ARHGAP6: variants seen among roughly 807,000 people sequenced by gnomAD.
ARHGAP6 encodes Rho GTPase activating protein 6, also known as rho GTPase-activating protein 6.
In ARHGAP6, 16 loss-of-function variants were observed where a neutral mutation model predicts 55.7. That is an observed-to-expected ratio of 0.29 (90% CI 0.19 to 0.44). The LOEUF is 0.44. ARHGAP6 is among the 20% of genes least tolerant of loss of function. The probability of loss-of-function intolerance (pLI) is 1.00; values close to 1 mark genes in which losing one functional copy is unlikely to be tolerated. For synonymous variants in ARHGAP6, 382 were observed against 360.9 expected (o/e 1.06, Z -0.66); for missense variants, 698 against 808.9 (o/e 0.86, Z 1.66).
At chrX:11,318,666 G>A (rs780456518) in intron 1 of ARHGAP6, 18 of 113,022 alleles carry the variant, frequency 1.6e-4, no homozygotes, top group Middle Eastern at 8.0e-4. Flanking sequence ...TGGCAAAACC[G>A]CAATTACTTC....
intron 1 of ARHGAP6, among the ~76,000 whole-genome samples, chrX:11,495,748 G>T (rs1324202654): frequency 8.9e-6 from 1 of 112,311 alleles, no homozygotes; most frequent in Non-Finnish European, 1.9e-5. Flanking sequence ...TGGCAAAGGT[G>T]CTGTAACAAA....
intron 1 of ARHGAP6, among the ~76,000 whole-genome samples, chrX:11,338,940 C>T (rs958263330): frequency 1.4e-4 from 16 of 111,899 alleles, no homozygotes; most frequent in African/African-American, 4.9e-4. Flanking sequence ...TTTGCTGCTG[C>T]TTCTGCTCCT....
Position 11,664,564 on chromosome X carries a change from TG to T in ARHGAP6, c.264del (p.Arg89GlyfsTer123). 1 of 1,188,590 alleles carries T rather than the reference TG, an allele frequency of 8.4e-7. No homozygotes were observed. Among genetic ancestry groups the T allele is most frequent in the Non-Finnish European group, 1.1e-6 (1 of 883,650 alleles). ...RLASSSRGPP[P>X]RATRLPPPGP... ...CCAGGAGGCGGTAGCCTGGTGGCCCTGGGGGGCGGACCCCGGGAAGAGGACG... is the reference window on the plus strand; with the variant it reads ...CCAGGAGGCGGTAGCCTGGTGGCCCTGGGGGCGGACCCCGGGAAGAGGACG... On this transcript the variant is annotated frameshift_variant, in exon 1 of 13. Transcript: ENST00000337414. LOFTEE classifies it high-confidence loss of function.
At chrX:11,509,551 C>G (rs2050765179) in intron 1 of ARHGAP6, among the ~76,000 whole-genome samples, 1 of 111,976 alleles carries the variant, frequency 8.9e-6, no homozygotes, top group South Asian at 3.7e-4. Flanking sequence ...CCTAGCCTAT[C>G]AGGTGGACCT....
intron 1 of ARHGAP6, among the ~76,000 whole-genome samples, chrX:11,531,291 T>C (rs2051046384): frequency 8.9e-6 from 1 of 111,961 alleles, no homozygotes; most frequent in African/African-American, 3.2e-5. Context: ...TTCGTATATA[T>C]TGAGCTTCCA....
chrX:11,235,610 C>A lies in ARHGAP6; in HGVS notation c.748+18938G>T, dbSNP rs144155707. On this transcript the variant is annotated intron_variant, in intron 2 of 12. Coordinates refer to ENST00000337414, the MANE Select transcript of ARHGAP6 (RefSeq NM_013427.3). ...GCTGCAAATTTTCGAAACTCTTATG[C>A]TTTGCTTCCTCTTGAAGGTTTTGCT... is the stretch of plus-strand genomic sequence containing the variant. Among the ~76,000 whole-genome samples, 292 of 111,607 alleles carry A rather than the reference C, an allele frequency of 2.6e-3. 2 individuals carry two copies. The highest frequency in any genetic ancestry group is 0.014 in the Middle Eastern group (3 of 218).
At chrX:11,169,233 T>C (rs1320505780) in intron 9 of ARHGAP6, 1 of 254,042 alleles carries the variant, frequency 3.9e-6, no homozygotes. Context: ...AGGACACTGC[T>C]TTATAATTAA....
intron 1 of ARHGAP6, among the ~76,000 whole-genome samples, chrX:11,448,866 T>G (rs967482598): frequency 8.9e-6 from 1 of 111,749 alleles, no homozygotes; most frequent in Admixed American, 9.5e-5. Context: ...ATACCAAACA[T>G]TATCCACACT....
chrX:11,590,843 A>AGG (rs1569410845), intron 1 of ARHGAP6, among the ~76,000 whole-genome samples: 2 of 52,325 alleles, frequency 3.8e-5, no homozygotes, highest in East Asian at 6.4e-4. Context: ...AAAGAAAAGA[A>AGG]AAGAAAAGAA....
chrX:11,561,089 C>A (rs987659977), intron 1 of ARHGAP6, among the ~76,000 whole-genome samples: 1 of 111,912 alleles, frequency 8.9e-6, no homozygotes, highest in Non-Finnish European at 1.9e-5. Context: ...TCAACAGAGA[C>A]CACAAGGCCT....
intron 4 of ARHGAP6, 143 bp downstream of exon 4, chrX:11,188,585 C>A: frequency 1.1e-6 from 1 of 899,767 alleles, no homozygotes. Context: ...GTGCCCAGTG[C>A]ACATTCTTCA....
intron 1 of ARHGAP6, among the ~76,000 whole-genome samples, chrX:11,647,620 C>G (rs1396953772): frequency 2.7e-5 from 3 of 112,287 alleles, no homozygotes; most frequent in African/African-American, 6.5e-5. Context: ...TCCCTCAGCA[C>G]AGCCTTCAGT....
intron 1 of ARHGAP6, among the ~76,000 whole-genome samples, chrX:11,383,594 A>C (rs752383576): frequency 2.9e-4 from 32 of 111,364 alleles, no homozygotes; most frequent in African/African-American, 1.0e-3. Flanking sequence ...TTTCTGCCCC[A>C]TATCCTAAAT....
intron 1 of ARHGAP6, among the ~76,000 whole-genome samples, chrX:11,320,501 A>G (rs1057110944): frequency 9.0e-6 from 1 of 111,323 alleles, no homozygotes; most frequent in Non-Finnish European, 1.9e-5. Context: ...AAAGGCGGAC[A>G]TTGAAAAGGG....
chrX:11,561,571 AT>A (rs2051384437), intron 1 of ARHGAP6, among the ~76,000 whole-genome samples: 1 of 112,203 alleles, frequency 8.9e-6, no homozygotes, highest in Non-Finnish European at 1.9e-5. Flanking sequence ...GACCATTTGA[AT>A]TTTTTATCTG....
intron 1 of ARHGAP6, among the ~76,000 whole-genome samples, chrX:11,584,001 A>G (rs998924886): frequency 3.6e-5 from 4 of 112,078 alleles, no homozygotes; most frequent in Non-Finnish European, 7.5e-5. Context: ...AGATTTCTTT[A>G]AAGCCTTAAA....
chrX:11,150,556 T>C (rs775458909), intron 10 of ARHGAP6, among the ~76,000 whole-genome samples: 2 of 112,520 alleles, frequency 1.8e-5, no homozygotes, highest in African/African-American at 6.5e-5. Context: ...TTCCTTATTA[T>C]TTTATTTCAG....
At chrX:11,185,489 C>T (rs910348090) in intron 5 of ARHGAP6, among the ~76,000 whole-genome samples, 6 of 111,630 alleles carry the variant, frequency 5.4e-5, no homozygotes, top group Non-Finnish European at 1.1e-4. Flanking sequence ...TTTGCTTTCA[C>T]GTTTACTTTT....
chrX:11,342,931 T>C (rs2048725141), intron 1 of ARHGAP6, among the ~76,000 whole-genome samples: 1 of 112,328 alleles, frequency 8.9e-6, no homozygotes, highest in Non-Finnish European at 1.9e-5. Context: ...GGATGAATAA[T>C]TGACTTGTTC....
Sources: allele counts gnomAD v4.1 joint callset (sites outside exome capture counted in the v4.1 genomes callset), GRCh38; gene constraint gnomAD v4.1.1; transcripts MANE v1.5; gene names NCBI Gene and HGNC (gene_info 2026-07-23, HGNC 2026-07-21).